PTPRD: variants seen among roughly 807,000 people sequenced by gnomAD.
The protein encoded by PTPRD is protein tyrosine phosphatase receptor type D.
A neutral mutation model predicts 214.5 loss-of-function variants in PTPRD; 34 were observed. That is an observed-to-expected ratio of 0.16 (90% CI 0.12 to 0.21). The LOEUF (loss-of-function observed/expected upper bound fraction) is 0.21. Among genes scored for constraint, PTPRD ranks in the 10% least tolerant of loss-of-function variants. The pLI, the probability that PTPRD is intolerant of heterozygous loss-of-function variation, is 1.00. For missense variants in PTPRD, 2,545 were observed against 2,398.7 expected (o/e 1.06, Z -1.27); for synonymous variants, 1,128 against 845.7 (o/e 1.33, Z -5.79).
intron 7 of PTPRD, among the ~76,000 whole-genome samples, chr9:9,643,869 C>T (rs1225196833): frequency 6.6e-6 from 1 of 152,078 alleles, no homozygotes; most frequent in Non-Finnish European, 1.5e-5. Context: ...TATTTTGGAA[C>T]TGATTTTGCC....
chr9:9,758,234 A>G (rs945267669), intron 6 of PTPRD, among the ~76,000 whole-genome samples: 1 of 151,718 alleles, frequency 6.6e-6, no homozygotes, highest in Non-Finnish European at 1.5e-5. Flanking sequence ...TTATAAAAAA[A>G]CAGACATTAT....
chr9:9,618,021 C>G (rs190911249), intron 7 of PTPRD, among the ~76,000 whole-genome samples: 2,168 of 134,844 alleles, frequency 0.016, 64 homozygotes, highest in African/African-American at 0.058. Context: ...GCAGTGAGCC[C>G]AGATCGCGCC....
At chr9:8,525,098 G>A (rs760182926) in intron 17 of PTPRD, 63 bp from the exon 18 acceptor site, 3 of 1,369,356 alleles carry the variant, frequency 2.2e-6, no homozygotes, top group Non-Finnish European at 3.1e-6. Flanking sequence ...AGTTCAGAAA[G>A]CTAAACCTCT....
At chr9:8,965,984 T>A (rs564463529) in intron 11 of PTPRD, among the ~76,000 whole-genome samples, 1 of 152,096 alleles carries the variant, frequency 6.6e-6, no homozygotes, top group South Asian at 2.1e-4. Flanking sequence ...AACATTTCTA[T>A]ACACCAATAA....
At chr9:8,766,115 T>C (rs1284089493) in intron 11 of PTPRD, among the ~76,000 whole-genome samples, 2 of 151,020 alleles carry the variant, frequency 1.3e-5, no homozygotes, top group Non-Finnish European at 2.9e-5. Flanking sequence ...GTGGGAAATG[T>C]AGGCTGAAAA....
rs181321752 is a variant in PTPRD, at chr9:9,084,349, C to T, written c.-142-65614G>A. ...TTCTCACTCATAAGTGGGAGTTGAACAATGAGAACATATGGACACAGGGAG... is the reference window on the plus strand; with the variant it reads ...TTCTCACTCATAAGTGGGAGTTGAATAATGAGAACATATGGACACAGGGAG... On this transcript the variant is annotated intron_variant, in intron 10 of 45. Coordinates refer to ENST00000381196, the MANE Select transcript of PTPRD (RefSeq NM_002839.4). Among the ~76,000 whole-genome samples, 7 of 152,132 alleles carry T rather than the reference C, an allele frequency of 4.6e-5. No homozygotes were observed. In the South Asian group the frequency reaches 6.2e-4, roughly 14 times the overall value.
At chr9:9,864,061 T>G (rs1323065326) in intron 5 of PTPRD, among the ~76,000 whole-genome samples, 1 of 152,124 alleles carries the variant, frequency 6.6e-6, no homozygotes, top group Non-Finnish European at 1.5e-5. Flanking sequence ...TCCCAGCACT[T>G]TAGGAGGCCG....
intron 11 of PTPRD, among the ~76,000 whole-genome samples, chr9:8,740,451 G>C (rs10465033): frequency 0.42 from 63,080 of 151,972 alleles, 15,850 homozygotes; most frequent in South Asian, 0.55. Context: ...ATATTAGCGA[G>C]GGATACGGGA....
At chr9:8,910,664 C>A (rs2098740747) in intron 11 of PTPRD, among the ~76,000 whole-genome samples, 1 of 152,118 alleles carries the variant, frequency 6.6e-6, no homozygotes, top group African/African-American at 2.4e-5. Flanking sequence ...AAATAAATTT[C>A]ATTTCTTATC....
chr9:8,609,838 A>G (rs974663270), intron 14 of PTPRD, among the ~76,000 whole-genome samples: 3 of 152,138 alleles, frequency 2.0e-5, no homozygotes, highest in African/African-American at 7.2e-5. Flanking sequence ...CTTCCTTTTA[A>G]CCGTATTTTT....
At chr9:9,612,085 C>A (rs1472637707) in intron 7 of PTPRD, among the ~76,000 whole-genome samples, 1 of 151,744 alleles carries the variant, frequency 6.6e-6, no homozygotes, top group Non-Finnish European at 1.5e-5. Flanking sequence ...TAAATTTTAT[C>A]TATATATAAT....
chr9:8,725,396 C>T (rs568618211), intron 12 of PTPRD, among the ~76,000 whole-genome samples: 77 of 152,216 alleles, frequency 5.1e-4, no homozygotes, highest in African/African-American at 6.0e-4. Flanking sequence ...ATGCTTGGCA[C>T]GGGAAATGTG....
chr9:10,278,197 G>A (rs995547850), intron 3 of PTPRD, among the ~76,000 whole-genome samples: 5 of 151,356 alleles, frequency 3.3e-5, no homozygotes, highest in African/African-American at 4.9e-5. Flanking sequence ...ATCAACTTGT[G>A]GCCTCTAGGA....
intron 7 of PTPRD, among the ~76,000 whole-genome samples, chr9:9,668,242 T>A (rs191031511): frequency 1.3e-5 from 2 of 152,162 alleles, no homozygotes; most frequent in Non-Finnish European, 1.5e-5. Flanking sequence ...ATTTTCCCCC[T>A]TATGCAACAC....
At chr9:9,321,286 T>C (rs1966346194) in intron 9 of PTPRD, among the ~76,000 whole-genome samples, 1 of 152,230 alleles carries the variant, frequency 6.6e-6, no homozygotes, top group Admixed American at 6.5e-5. Flanking sequence ...CTGGGTGCAG[T>C]GGCTCATGCC....
At chr9:10,393,649 T>TAGAG (rs199987535) in intron 2 of PTPRD, among the ~76,000 whole-genome samples, 13 of 144,592 alleles carry the variant, frequency 9.0e-5, no homozygotes, top group East Asian at 8.1e-4. Context: ...ATATATATAT[T>TAGAG]AGAGAGAGAG....
chr9:9,495,905 C>A (rs1386488155), intron 8 of PTPRD, among the ~76,000 whole-genome samples: 1 of 152,196 alleles, frequency 6.6e-6, no homozygotes, highest in Non-Finnish European at 1.5e-5. Context: ...CAACAGAACA[C>A]TGTAACACCC....
Position 8,422,970 on chromosome 9 carries a change from T to A in PTPRD, c.4086+13622A>T, listed in dbSNP as rs1311621079. 6.4e-4 allele frequency among the ~76,000 whole-genome samples: 97 copies of A among 152,262 alleles called. 2 individuals are homozygous for A. Among genetic ancestry groups the A allele is most frequent in the Non-Finnish European group, 1.5e-5 (1 of 68,024 alleles). On this transcript the variant is annotated intron_variant, in intron 35 of 45. Transcript: ENST00000381196. ...ATACTAATTATAGCTTCTCAATCAC[T>A]GCAGCCACATAGGCACTCCTGAGTT... is the stretch of plus-strand genomic sequence containing the variant.
At chr9:10,443,149 G>C (rs764274031) in intron 2 of PTPRD, among the ~76,000 whole-genome samples, 7 of 150,504 alleles carry the variant, frequency 4.7e-5, no homozygotes, top group Non-Finnish European at 7.4e-5. Context: ...AGAGTCATGT[G>C]TTAATGTGGA....
Sources: allele counts gnomAD v4.1 joint callset (sites outside exome capture counted in the v4.1 genomes callset), GRCh38; gene constraint gnomAD v4.1.1; transcripts MANE v1.5; gene names NCBI Gene and HGNC (gene_info 2026-07-23, HGNC 2026-07-21).